The following GFOD1 variants were observed in gnomAD, a reference collection of about 807,000 sequenced individuals.
The protein encoded by GFOD1 is Gfo/Idh/MocA-like oxidoreductase domain containing 1, also known as glucose-fructose oxidoreductase domain-containing protein 1.
Under a neutral mutation model 25.4 loss-of-function variants are expected in GFOD1, and 9 were observed. The ratio of observed to expected loss-of-function variants is 0.35; its 90% CI spans 0.21 to 0.62. The LOEUF (loss-of-function observed/expected upper bound fraction) is 0.62, where lower values mean the gene tolerates loss of function less well. Among genes scored for constraint, GFOD1 ranks in the 20% least tolerant of loss-of-function variants. The pLI, the probability that GFOD1 is intolerant of heterozygous loss-of-function variation, is 0.72. For missense variants in GFOD1, 403 were observed against 556.9 expected (o/e 0.72, Z 2.78); for synonymous variants, 253 against 245.6 (o/e 1.03, Z -0.28).
At chr6:13,433,266 C>T (rs1382615587) in intron 1 of GFOD1, among the ~76,000 whole-genome samples, 3 of 152,122 alleles carry the variant, frequency 2.0e-5, no homozygotes, top group African/African-American at 7.2e-5. Flanking sequence ...ATTACATGCA[C>T]CTGCCACCAC....
chr6:13,433,466 G>A (rs1165537075), intron 1 of GFOD1, among the ~76,000 whole-genome samples: 1 of 152,128 alleles, frequency 6.6e-6, no homozygotes, highest in African/African-American at 2.4e-5. Context: ...GTGCATCATA[G>A]GATATTTAGC....
intron 1 of GFOD1, among the ~76,000 whole-genome samples, chr6:13,426,425 G>A (rs1333249640): frequency 6.6e-6 from 1 of 152,228 alleles, no homozygotes; most frequent in East Asian, 1.9e-4. Flanking sequence ...GGAAATGGGA[G>A]CAGTGAAGTG....
chr6:13,403,704 G>A (rs1039236146), intron 1 of GFOD1, among the ~76,000 whole-genome samples: 2 of 152,346 alleles, frequency 1.3e-5, no homozygotes, highest in Admixed American at 6.5e-5. Context: ...AAGGAATGAA[G>A]TGCTGATATA....
chr6:13,389,555 T>C (rs1049131905), intron 1 of GFOD1, among the ~76,000 whole-genome samples: 4 of 151,302 alleles, frequency 2.6e-5, no homozygotes, highest in Admixed American at 2.0e-4. Context: ...TAGGTGGGAG[T>C]TGAACAATGA....
At position 13,485,685 on chromosome 6, in the gene GFOD1, G is replaced by A. The variant is rs1311409262; in HGVS notation, c.253+953C>T. Among the ~76,000 whole-genome samples, 5 of 152,272 alleles carry A rather than the reference G, an allele frequency of 3.3e-5. No homozygotes were observed. In the East Asian group the frequency reaches 9.7e-4, roughly 29 times the overall value. ...AGATTGTTCAGACTGCCTGGGAGTT[G>A]AGGGGAGCAGGGACCAGATGGTGAG... On this transcript the variant is annotated intron_variant, in intron 1 of 1. Transcript: ENST00000379287.
intron 1 of GFOD1, among the ~76,000 whole-genome samples, chr6:13,410,833 G>A (rs895518615): frequency 2.7e-5 from 4 of 150,798 alleles, no homozygotes; most frequent in Admixed American, 1.3e-4. Flanking sequence ...GGAGGGTAGA[G>A]GAGAGAGACC....
At chr6:13,462,430 T>C (rs948100326) in intron 1 of GFOD1, among the ~76,000 whole-genome samples, 3 of 152,194 alleles carry the variant, frequency 2.0e-5, no homozygotes, top group African/African-American at 7.2e-5. Flanking sequence ...ACGTCTCAGA[T>C]CACTTCTGGG....
chr6:13,375,926 A>G (rs950866756), intron 1 of GFOD1, among the ~76,000 whole-genome samples: 4 of 152,194 alleles, frequency 2.6e-5, no homozygotes, highest in African/African-American at 9.7e-5. Flanking sequence ...CCATCTCTAC[A>G]GCTTATATTT....
chr6:13,480,189 T>C (rs1758716723), intron 1 of GFOD1, among the ~76,000 whole-genome samples: 1 of 152,166 alleles, frequency 6.6e-6, no homozygotes, highest in Admixed American at 6.5e-5. Flanking sequence ...ACAAGATCAA[T>C]GTGCAGCAAG....
chr6:13,432,562 G>C (rs1757768076), intron 1 of GFOD1, among the ~76,000 whole-genome samples: 1 of 152,020 alleles, frequency 6.6e-6, no homozygotes, highest in Non-Finnish European at 1.5e-5. Context: ...AGGGAGACAG[G>C]GTGAATTTCC....
intron 1 of GFOD1, among the ~76,000 whole-genome samples, chr6:13,398,677 G>A (rs1562205766): frequency 6.6e-6 from 1 of 152,144 alleles, no homozygotes; most frequent in Non-Finnish European, 1.5e-5. Flanking sequence ...CCAGCTGCCT[G>A]CAGGCAGAAA....
At chr6:13,373,741 A>AACACACACACACAC (rs10530031) in intron 1 of GFOD1, among the ~76,000 whole-genome samples, 1,960 of 129,534 alleles carry the variant, frequency 0.015, 64 homozygotes, top group African/African-American at 0.056. Context: ...CTGCTCCCCC[A>AACACACACACACAC]ACACACACAC....
Position 13,486,741 on chromosome 6 carries a change from G to A in GFOD1, c.150C>T (p.Phe50=), listed in dbSNP as rs757313099. The change falls in exon 1 of 2, where the codon TTC becomes TTT. Residue 50 remains phenylalanine (F), a synonymous_variant. Coordinates refer to ENST00000379287, the MANE Select transcript of GFOD1 (RefSeq NM_018988.4). Reference sequence around the variant, plus strand: ...GCACCTCATCAATGCGGCTAGTGTAGAAGGGGACACTCATCTCCTTGGCCA... The same window carrying A: ...GCACCTCATCAATGCGGCTAGTGTAAAAGGGGACACTCATCTCCTTGGCCA... ...EELAKEMSVP[F]YTSRIDEVLL... is the part of the protein sequence containing the mutation. 2 of 1,614,116 alleles carry A rather than the reference G, an allele frequency of 1.2e-6. No individual in the cohort carries two copies. Among genetic ancestry groups the A allele is most frequent in the Non-Finnish European group, 1.7e-6 (2 of 1,179,990 alleles).
intron 1 of GFOD1, among the ~76,000 whole-genome samples, chr6:13,459,741 A>G (rs139021963): frequency 6.6e-6 from 1 of 152,372 alleles, no homozygotes; most frequent in Non-Finnish European, 1.5e-5. Flanking sequence ...CAACAAACAT[A>G]TGAAAAAAAG....
chr6:13,420,299 A>G (rs1786234126), intron 1 of GFOD1, among the ~76,000 whole-genome samples: 1 of 152,200 alleles, frequency 6.6e-6, no homozygotes, highest in South Asian at 2.1e-4. Context: ...GCCTCAGGAC[A>G]CAACACATGG....
At chr6:13,438,326 T>C (rs189937490) in intron 1 of GFOD1, among the ~76,000 whole-genome samples, 1 of 152,196 alleles carries the variant, frequency 6.6e-6, no homozygotes, top group Non-Finnish European at 1.5e-5. Flanking sequence ...CATTTCAACA[T>C]GGAAGGCAAG....
At chr6:13,435,034 G>A (rs1236124331) in intron 1 of GFOD1, among the ~76,000 whole-genome samples, 1 of 152,178 alleles carries the variant, frequency 6.6e-6, no homozygotes, top group African/African-American at 2.4e-5. Flanking sequence ...CTCTTTCTGA[G>A]CACCTCCAAG....
At chr6:13,374,728 C>CT (rs147560408) in intron 1 of GFOD1, among the ~76,000 whole-genome samples, 21,440 of 67,050 alleles carry the variant, frequency 0.32, 5,356 homozygotes, top group East Asian at 0.58. Flanking sequence ...CATCTCAAAT[C>CT]TTTTTTTTTT....
chr6:13,450,774 C>T (rs1758082805), intron 1 of GFOD1, among the ~76,000 whole-genome samples: 1 of 152,182 alleles, frequency 6.6e-6, no homozygotes, highest in African/African-American at 2.4e-5. Flanking sequence ...ACTGTTTGCA[C>T]AAGCAGCTTC....
Sources: gnomAD v4.1 joint callset for allele counts (sites outside exome capture counted in the v4.1 genomes callset) on GRCh38, gnomAD v4.1.1 for gene constraint, MANE v1.5 for transcripts, NCBI Gene and HGNC (gene_info 2026-07-23, HGNC 2026-07-21) for gene names.